CHURC1: variants seen among roughly 807,000 people sequenced by gnomAD.
CHURC1 encodes the protein protein Churchill.
A neutral mutation model predicts 15.4 loss-of-function variants in CHURC1; 12 were observed. That is an observed-to-expected ratio of 0.78 (90% CI 0.50 to 1.27). The LOEUF (loss-of-function observed/expected upper bound fraction) is 1.27. Among genes scored for constraint, CHURC1 ranks in the 50% most tolerant of loss-of-function variants. The pLI is 0.00. For missense variants in CHURC1, 132 were observed against 137.8 expected, an observed-to-expected ratio of 0.96 and a Z score of 0.21; for synonymous variants, 42 against 47.5, an observed-to-expected ratio of 0.88 and a Z score of 0.48.
intron 1 of CHURC1, among the ~76,000 whole-genome samples, chr14:64,923,409 C>T (rs562672637): frequency 1.2e-4 from 18 of 152,138 alleles, no homozygotes; most frequent in Non-Finnish European, 2.4e-4. Context: ...GCCATTGTGT[C>T]AGTCTTACGA....
At chr14:64,914,926 C>T (rs1462121337) in intron 1 of CHURC1, among the ~76,000 whole-genome samples, 1 of 152,240 alleles carries the variant, frequency 6.6e-6, no homozygotes, top group African/African-American at 2.4e-5. Context: ...TGTTCTAACA[C>T]TTTTGCAGAT....
At chr14:64,918,728 G>GA (rs1458466217) in intron 1 of CHURC1, among the ~76,000 whole-genome samples, 2 of 152,088 alleles carry the variant, frequency 1.3e-5, no homozygotes, top group Non-Finnish European at 2.9e-5. Flanking sequence ...TACTTGGGAA[G>GA]AGGCTAAGGC....
At chr14:64,917,334 T>C (rs1056502396) in intron 1 of CHURC1, among the ~76,000 whole-genome samples, 30 of 152,240 alleles carry the variant, frequency 2.0e-4, no homozygotes, top group African/African-American at 7.2e-4. Context: ...AGGCCAAGGC[T>C]GGCAGATCAC....
intron 1 of CHURC1, among the ~76,000 whole-genome samples, chr14:64,916,858 G>A (rs139297457): frequency 0.01 from 1,525 of 152,262 alleles, 18 homozygotes; most frequent in South Asian, 0.02. Context: ...GATTACAGGC[G>A]TGAGCCACCG....
intron 1 of CHURC1, among the ~76,000 whole-genome samples, chr14:64,917,534 C>A (rs1364838473): frequency 1.3e-5 from 2 of 152,080 alleles, no homozygotes; most frequent in Non-Finnish European, 2.9e-5. Flanking sequence ...CTGCTCTCCA[C>A]CATGGGTGAC....
intron 1 of CHURC1, among the ~76,000 whole-genome samples, chr14:64,917,996 A>G (rs1385947409): frequency 6.6e-6 from 1 of 152,260 alleles, no homozygotes; most frequent in African/African-American, 2.4e-5. Context: ...ATGTAGATAG[A>G]TGAGTCAGTC....
At chr14:64,921,167 C>T (rs1398205468) in intron 1 of CHURC1, among the ~76,000 whole-genome samples, 2 of 152,120 alleles carry the variant, frequency 1.3e-5, no homozygotes, top group Non-Finnish European at 2.9e-5. Flanking sequence ...ACTAAATAAA[C>T]CTTGATCCTT....
At chr14:64,920,840 A>G (rs1038600696) in intron 1 of CHURC1, among the ~76,000 whole-genome samples, 10 of 152,218 alleles carry the variant, frequency 6.6e-5, no homozygotes, top group Admixed American at 2.6e-4. Flanking sequence ...GGCAGTCCCA[A>G]TTCAAACTCC....
intron 1 of CHURC1, among the ~76,000 whole-genome samples, chr14:64,918,680 A>C (rs1047390131): frequency 1.3e-5 from 2 of 152,148 alleles, no homozygotes; most frequent in Admixed American, 6.5e-5. Context: ...ATTAAAAAAC[A>C]TTAGCCAGGC....
chr14:64,934,441 TA>T lies in CHURC1; in HGVS notation c.*2212del. On this transcript the variant is annotated 3_prime_UTR_variant, in exon 4 of 4. Coordinates refer to ENST00000549115, the MANE Select transcript of CHURC1 (RefSeq NM_001386928.1). ...AGTGCAGTTACCCCCTCTCAGTAAT[TA>T]TGTTTGGCAAATATGAAATACAAGG... 1.0e-6 allele frequency: 1 copy of T among 985,322 alleles called. No homozygotes were observed. The highest frequency in any genetic ancestry group is 4.7e-5 in the South Asian group (1 of 21,280). 61.0% of individuals were successfully genotyped at this position (985,322 alleles called of 1,614,324 possible).
chr14:64,924,034 C>T lies in CHURC1; in HGVS notation c.83C>T (p.Thr28Ile). The T allele has an allele frequency of 1.3e-6, 2 of 1,584,730 alleles. No homozygotes were observed. Among genetic ancestry groups the T allele is most frequent in the Non-Finnish European group, 1.7e-6 (2 of 1,163,824 alleles). The change falls in exon 2 of 4, where the codon ACA becomes ATA. Residue 28 changes from threonine to isoleucine, a missense_variant. Coordinates refer to ENST00000549115, the MANE Select transcript of CHURC1 (RefSeq NM_001386928.1). ...LENGSFLLNF[T>I]GCAVCSKRDF... ...AATGGATCTTTCTTACTGAACTTTA[C>T]AGGCTGTGCAGTGTGCAGTAAGCGG...
chr14:64,932,641 T>G lies in CHURC1; in HGVS notation c.*411T>G, dbSNP rs79019739. On this transcript the variant is annotated 3_prime_UTR_variant, in exon 4 of 4. Coordinates refer to ENST00000549115, the MANE Select transcript of CHURC1 (RefSeq NM_001386928.1). The stretch of plus-strand genomic sequence containing the variant: ...CCACAGAAAAATGAAGTACTGAAAT[T>G]AAAAAAAAAAAATCATAGTGATTGG... 1 of 171,116 alleles carries G rather than the reference T, an allele frequency of 5.8e-6. No homozygotes were observed. The highest frequency in any genetic ancestry group is 1.1e-5 in the Non-Finnish European group (1 of 88,172). 10.6% of individuals were successfully genotyped at this position (171,116 alleles called of 1,614,324 possible).
intron 2 of CHURC1, 134 bp downstream of exon 2, chr14:64,924,260 A>AG: frequency 9.2e-7 from 1 of 1,087,894 alleles, no homozygotes; most frequent in Non-Finnish European, 1.2e-6. Flanking sequence ...GGTCTTTAAG[A>AG]GGAAAATGTC....
chr14:64,930,491 C>A (rs1885019255), intron 3 of CHURC1, among the ~76,000 whole-genome samples: 1 of 152,130 alleles, frequency 6.6e-6, no homozygotes, highest in Non-Finnish European at 1.5e-5. Flanking sequence ...CTTTTGAATT[C>A]CAAATAATTG....
intron 3 of CHURC1, among the ~76,000 whole-genome samples, chr14:64,927,939 C>T (rs543874320): frequency 6.6e-6 from 1 of 152,020 alleles, no homozygotes; most frequent in East Asian, 1.9e-4. Context: ...TTTGGGTGAC[C>T]TCATTGGCCT....
chr14:64,930,071 G>A (rs1220355624), intron 3 of CHURC1, among the ~76,000 whole-genome samples: 3 of 150,850 alleles, frequency 2.0e-5, no homozygotes, highest in Admixed American at 6.6e-5. Context: ...GGGACTAATA[G>A]AGGAAGAGAG....
In CHURC1 at chr14:64,932,500, G is replaced by A; in HGVS notation, c.*270G>A. ...TGGTCAGAAAACAACTAGAATGGGAGCACACCTGGTGCCCAGATTTTGGTT... is the reference window on the plus strand; with the variant it reads ...TGGTCAGAAAACAACTAGAATGGGAACACACCTGGTGCCCAGATTTTGGTT... On this transcript the variant is annotated 3_prime_UTR_variant, in exon 4 of 4. Coordinates refer to ENST00000549115, the MANE Select transcript of CHURC1 (RefSeq NM_001386928.1). The A allele has an allele frequency of 3.5e-5, 39 of 1,128,948 alleles. No individual in the cohort carries two copies. The highest frequency in any genetic ancestry group is 4.0e-5 in the Non-Finnish European group (37 of 919,198). The allele number at this position is 1,128,948 out of a possible 1,614,324, so 69.9% of individuals were successfully genotyped here. A position where few individuals can be genotyped will look rare whatever the true frequency, so the allele number is the denominator to read the frequency against.
intron 3 of CHURC1, among the ~76,000 whole-genome samples, chr14:64,930,494 A>C (rs139653330): frequency 1.3e-5 from 2 of 152,198 alleles, no homozygotes; most frequent in African/African-American, 4.8e-5. Flanking sequence ...TTGAATTCCA[A>C]ATAATTGACT....
In CHURC1 at chr14:64,914,489, C is replaced by T. The variant is rs748445121; in HGVS notation, c.-7C>T. ...GTTGGAGGACATTCCCTGTTGACTGCGTCGCGATGTGTGGCGACTGTGTGG... is the reference window on the plus strand; with the variant it reads ...GTTGGAGGACATTCCCTGTTGACTGTGTCGCGATGTGTGGCGACTGTGTGG... On this transcript the variant is annotated 5_prime_UTR_variant, in exon 1 of 4. Transcript: ENST00000549115. 1 of 1,614,252 alleles carries T rather than the reference C, an allele frequency of 6.2e-7. No individual in the cohort carries two copies. Among genetic ancestry groups the T allele is most frequent in the Non-Finnish European group, 8.5e-7 (1 of 1,180,046 alleles).
Sources: allele counts gnomAD v4.1 joint callset (sites outside exome capture counted in the v4.1 genomes callset), GRCh38; gene constraint gnomAD v4.1.1; transcripts MANE v1.5; gene names NCBI Gene and HGNC (gene_info 2026-07-23, HGNC 2026-07-21).